The following CA1 variants were observed in gnomAD, a reference collection of about 807,000 sequenced individuals.
The protein encoded by CA1 is carbonate dehydratase I.
CA1 carries 27 observed loss-of-function variants against 28.8 expected under a neutral mutation model. The observed-to-expected ratio is 0.94, with a 90% CI of 0.69 to 1.29. CA1 has a LOEUF of 1.29. Among genes scored for constraint, CA1 ranks in the 50% most tolerant of loss-of-function variants. The pLI is 0.00. For missense variants in CA1, 335 were observed against 310.5 expected (o/e 1.08, Z -0.59); for synonymous variants, 121 against 108.8 (o/e 1.11, Z -0.70).
At chr8:85,335,838 G>T (rs780479789) in intron 4 of CA1, among the ~76,000 whole-genome samples, 4 of 152,134 alleles carry the variant, frequency 2.6e-5, no homozygotes, top group Admixed American at 6.5e-5. Context: ...ATTGAAAGGT[G>T]TTAGTCATGC....
At chr8:85,349,170 T>C (rs959475514) in intron 1 of CA1, among the ~76,000 whole-genome samples, 4 of 152,230 alleles carry the variant, frequency 2.6e-5, no homozygotes, top group Admixed American at 6.5e-5. Context: ...TAGTTTCTTT[T>C]AGAATAGCCC....
intron 1 of CA1, among the ~76,000 whole-genome samples, chr8:85,356,084 A>G (rs1532423): frequency 0.65 from 98,740 of 152,028 alleles, 33,175 homozygotes; most frequent in African/African-American, 0.82. Flanking sequence ...TACTTTTTGT[A>G]CCTCCAGCCC....
At chr8:85,357,647 C>G (rs1411975970) in intron 1 of CA1, among the ~76,000 whole-genome samples, 3 of 152,152 alleles carry the variant, frequency 2.0e-5, no homozygotes, top group Non-Finnish European at 4.4e-5. Flanking sequence ...AGCAGACTTC[C>G]TAAAGGGAAA....
chr8:85,344,363 G>T (rs1417497671), intron 1 of CA1, among the ~76,000 whole-genome samples: 1 of 140,454 alleles, frequency 7.1e-6, no homozygotes, highest in African/African-American at 2.6e-5. Flanking sequence ...ATGTATATTA[G>T]ATTATTACAT....
At chr8:85,350,942 G>A (rs924706337) in intron 1 of CA1, among the ~76,000 whole-genome samples, 5 of 152,118 alleles carry the variant, frequency 3.3e-5, no homozygotes, top group East Asian at 1.9e-4. Flanking sequence ...GTTCACGTTC[G>A]ATGTTCTTAC....
intron 3 of CA1, among the ~76,000 whole-genome samples, chr8:85,337,552 CAA>C (rs1352638365): frequency 1.3e-5 from 2 of 152,002 alleles, no homozygotes; most frequent in African/African-American, 4.8e-5. Context: ...GGCCAGGGAC[CAA>C]GAGAGAGTAC....
At position 85,341,643 on chromosome 8, in the gene CA1, T is replaced by C; in HGVS notation, c.-8A>G. 1 of 1,588,982 alleles carries C rather than the reference T, an allele frequency of 6.3e-7. No individual in the cohort carries two copies. Among genetic ancestry groups the C allele is most frequent in the Non-Finnish European group, 8.6e-7 (1 of 1,157,400 alleles). ...CCAGTCTGGACTTGCCATTATCTTC[T>C]ACTGAGTTTTCTTTTTCTGAAAACA... is the stretch of plus-strand genomic sequence containing the variant. On this transcript the variant is annotated 5_prime_UTR_variant, in exon 2 of 8. Transcript: ENST00000523022.
intron 1 of CA1, among the ~76,000 whole-genome samples, chr8:85,365,349 G>A (rs544353478): frequency 6.6e-6 from 1 of 152,304 alleles, no homozygotes; most frequent in Admixed American, 6.5e-5. Context: ...TACCATAATG[G>A]ATGATGAAAG....
At chr8:85,332,906 G>A (rs1185772749) in intron 5 of CA1, among the ~76,000 whole-genome samples, 4 of 152,048 alleles carry the variant, frequency 2.6e-5, no homozygotes, top group Non-Finnish European at 2.9e-5. Flanking sequence ...TACAGTATTT[G>A]GCATATTGTA....
chr8:85,352,956 T>C (rs1473498758), intron 1 of CA1, among the ~76,000 whole-genome samples: 1 of 152,148 alleles, frequency 6.6e-6, no homozygotes, highest in East Asian at 1.9e-4. Context: ...TGACCACTAG[T>C]TGAGTTCAGG....
chr8:85,368,229 G>A (rs190449936), intron 1 of CA1, among the ~76,000 whole-genome samples: 6 of 151,998 alleles, frequency 3.9e-5, no homozygotes, highest in Admixed American at 6.5e-5. Flanking sequence ...GTGCAGTGGC[G>A]CAATCTTGGC....
intron 1 of CA1, among the ~76,000 whole-genome samples, chr8:85,346,418 A>G (rs190285536): frequency 6.6e-6 from 1 of 152,338 alleles, no homozygotes; most frequent in African/African-American, 2.4e-5. Flanking sequence ...GACACTATTA[A>G]GTAACATTTT....
chr8:85,329,945 A>T, intron 6 of CA1, 101 bp from the exon 7 acceptor site: 1 of 1,026,636 alleles, frequency 9.7e-7, no homozygotes, highest in Non-Finnish European at 1.5e-6. Flanking sequence ...TTATTTAGAG[A>T]TTTTAGCTAA....
intron 1 of CA1, among the ~76,000 whole-genome samples, chr8:85,368,622 C>T (rs1021274161): frequency 6.6e-6 from 1 of 151,870 alleles, no homozygotes; most frequent in African/African-American, 2.4e-5. Context: ...CTGAAATGCA[C>T]AGTGTGCTCT....
intron 4 of CA1, among the ~76,000 whole-genome samples, chr8:85,335,129 C>A (rs572470767): frequency 1.3e-5 from 2 of 152,260 alleles, no homozygotes; most frequent in South Asian, 4.1e-4. Flanking sequence ...TTTCCTCTGA[C>A]CATGCCAGTG....
intron 1 of CA1, among the ~76,000 whole-genome samples, chr8:85,376,696 A>AATAAATAT (rs1810432557): frequency 6.6e-6 from 1 of 150,702 alleles, no homozygotes; most frequent in African/African-American, 2.4e-5. Context: ...TAAATAAATA[A>AATAAATAT]ATAAATAAAT....
chr8:85,358,083 G>C (rs1254315403), intron 1 of CA1, among the ~76,000 whole-genome samples: 1 of 152,180 alleles, frequency 6.6e-6, no homozygotes, highest in Non-Finnish European at 1.5e-5. Flanking sequence ...AGGATCAACA[G>C]CAAATCACCC....
At position 85,366,037 on chromosome 8, in the gene CA1, G is replaced by C. The variant is rs1354204838; in HGVS notation, c.-25+12009C>G. Among the ~76,000 whole-genome samples, 4 of 152,226 alleles carry C rather than the reference G, an allele frequency of 2.6e-5. No homozygotes were observed. In the East Asian group the frequency reaches 7.7e-4, roughly 29 times the overall value. ...TTGGAGAAAAGTTGCCTTTGCCAAT[G>C]TCCTATGTACAGCTTGCTTCTGCAG... is the stretch of plus-strand genomic sequence containing the variant. On this transcript the variant is annotated intron_variant, in intron 1 of 7. Coordinates refer to ENST00000523022, the MANE Select transcript of CA1 (RefSeq NM_001128831.4).
intron 1 of CA1, among the ~76,000 whole-genome samples, chr8:85,358,020 T>C (rs1357686528): frequency 6.6e-6 from 1 of 152,140 alleles, no homozygotes; most frequent in African/African-American, 2.4e-5. Context: ...CCAAGAAACA[T>C]ACAGAAACAA....
Sources: gnomAD v4.1 joint callset for allele counts (sites outside exome capture counted in the v4.1 genomes callset) on GRCh38, gnomAD v4.1.1 for gene constraint, MANE v1.5 for transcripts, NCBI Gene and HGNC (gene_info 2026-07-23, HGNC 2026-07-21) for gene names.